ZNF429: variants seen among roughly 807,000 people sequenced by gnomAD.
The protein encoded by ZNF429 is zinc finger protein 429.
A neutral mutation model predicts 56.8 loss-of-function variants in ZNF429; 53 were observed. That is an observed-to-expected ratio of 0.93 (90% CI 0.75 to 1.17). ZNF429 has a LOEUF of 1.17. Among genes scored for constraint, ZNF429 ranks in the 50% most tolerant of loss-of-function variants. The pLI, the probability that ZNF429 is intolerant of heterozygous loss-of-function variation, is 0.00. For synonymous variants in ZNF429, 278 were observed against 264.7 expected, an observed-to-expected ratio of 1.05 and a Z score of -0.49; for missense variants, 849 against 788.4, an observed-to-expected ratio of 1.08 and a Z score of -0.92.
intron 3 of ZNF429, among the ~76,000 whole-genome samples, chr19:21,534,793 T>TG: frequency 1.5e-4 from 1 of 6,726 alleles, no homozygotes; most frequent in Admixed American, 9.5e-4. Flanking sequence ...GTTTTTTGTG[T>TG]TTTTTTTTTT....
In ZNF429 at chr19:21,540,311, T is replaced by G. The variant is rs2033876824; in HGVS notation, c.*2233T>G. Among the ~76,000 whole-genome samples the G allele has an allele frequency of 6.6e-6, 1 of 152,180 alleles. No individual in the cohort carries two copies. The highest frequency in any genetic ancestry group is 1.5e-5 in the Non-Finnish European group (1 of 68,014). ...TAGTGGAATAGCATCTCTAGTAATCTCTTTTGCCAGTAGCTTTAACTGGCA... is the reference window on the plus strand; with the variant it reads ...TAGTGGAATAGCATCTCTAGTAATCGCTTTTGCCAGTAGCTTTAACTGGCA... On this transcript the variant is annotated 3_prime_UTR_variant, in exon 4 of 4. Coordinates refer to ENST00000358491, the MANE Select transcript of ZNF429 (RefSeq NM_001001415.4).
intron 3 of ZNF429, among the ~76,000 whole-genome samples, chr19:21,535,480 CTTTCTTTCTTTCTTTCTTCT>C: frequency 4.3e-4 from 24 of 55,976 alleles, no homozygotes; most frequent in South Asian, 1.0e-3. Context: ...TTCTTTCTTT[CTTTCTTTCTTTCTTTCTTCT>C]TTCTTTCTTT....
chr19:21,531,826 A>AG, intron 3 of ZNF429, among the ~76,000 whole-genome samples: 2 of 149,402 alleles, frequency 1.3e-5, no homozygotes, highest in African/African-American at 5.0e-5. Context: ...AAAAAAAAAA[A>AG]GCATTGAAAT....
intron 1 of ZNF429, among the ~76,000 whole-genome samples, chr19:21,508,394 C>G (rs1333978573): frequency 6.6e-6 from 1 of 152,160 alleles, no homozygotes; most frequent in East Asian, 1.9e-4. Context: ...ACTTAAGTGA[C>G]TTAAGTGAGC....
intron 1 of ZNF429, among the ~76,000 whole-genome samples, chr19:21,508,461 C>T (rs2032293501): frequency 6.6e-6 from 1 of 152,090 alleles, no homozygotes; most frequent in Non-Finnish European, 1.5e-5. Context: ...TCGGACACAT[C>T]TGTTTTCTTA....
chr19:21,512,430 C>T lies in ZNF429; in HGVS notation c.3+6656C>T, dbSNP rs377215506. ...ATTTCAGCACTTTGGAAGGCTGAGG[C>T]GGGTGGATCACCTGAGGTCAGGAGT... On this transcript the variant is annotated intron_variant, in intron 1 of 3. Transcript: ENST00000358491. Among the ~76,000 whole-genome samples, 40 of 151,986 alleles carry T rather than the reference C, an allele frequency of 2.6e-4. 1 individual carries two copies. The South Asian group carries it at 4.4e-3, about 17-fold the overall frequency.
chr19:21,511,072 A>G (rs978480610), intron 1 of ZNF429, among the ~76,000 whole-genome samples: 1 of 152,074 alleles, frequency 6.6e-6, no homozygotes, highest in Non-Finnish European at 1.5e-5. Flanking sequence ...TGTCATCATG[A>G]CCCGTTCTCA....
Position 21,536,294 on chromosome 19 carries a change from T to G in ZNF429, c.241T>G (p.Phe81Val), listed in dbSNP as rs774131756. 4 of 1,574,880 alleles carry G rather than the reference T, an allele frequency of 2.5e-6. No individual in the cohort carries two copies. The East Asian group carries it at 9.0e-5, about 35-fold the overall frequency. Residue 81 changes from phenylalanine (F) to valine (V), a missense_variant, in exon 4 of 4, where the codon TTT becomes GTT. Physicochemically the swap from Phe to Val is conservative, Grantham distance 50. Transcript: ENST00000358491. ...VDEPPVVCSH[F>V]AEDFWPEQDI... ...TTTTATTTTAGTTGTGTGTTCTCAT[T>G]TTGCTGAAGACTTTTGGCCAGAGCA... is the stretch of plus-strand genomic sequence containing the variant.
intron 3 of ZNF429, among the ~76,000 whole-genome samples, chr19:21,535,481 TTTC>T: frequency 3.6e-5 from 4 of 111,022 alleles, no homozygotes; most frequent in Admixed American, 2.0e-4. Flanking sequence ...TCTTTCTTTC[TTTC>T]TTTCTTTCTT....
intron 1 of ZNF429, among the ~76,000 whole-genome samples, chr19:21,525,186 G>C (rs905843044): frequency 6.6e-6 from 1 of 152,110 alleles, no homozygotes; most frequent in Non-Finnish European, 1.5e-5. Context: ...TTTATGGACA[G>C]AAGAATTTTT....
chr19:21,523,311 C>T (rs1354237574), intron 1 of ZNF429, among the ~76,000 whole-genome samples: 1 of 152,160 alleles, frequency 6.6e-6, no homozygotes, highest in African/African-American at 2.4e-5. Context: ...AATGCAAATC[C>T]TCTTTTTAGG....
At chr19:21,523,438 A>G (rs1599462281) in intron 1 of ZNF429, among the ~76,000 whole-genome samples, 1 of 152,306 alleles carries the variant, frequency 6.6e-6, no homozygotes, top group South Asian at 2.1e-4. Flanking sequence ...GAACACAATT[A>G]TGTCTTTCTC....
rs1218365500 is a variant in ZNF429 at position 21,540,552 on chromosome 19, A to G, written c.*2474A>G. Among the ~76,000 whole-genome samples the G allele has an allele frequency of 2.0e-5, 3 of 152,124 alleles. No homozygotes were observed. Among genetic ancestry groups the G allele is most frequent in the African/African-American group, 4.8e-5 (2 of 41,454 alleles). ...ACATTTATCTTTTACAAACAACTCA[A>G]TTATGCACTTTTAGTTATTTTAAAG... is the stretch of plus-strand genomic sequence containing the variant. On this transcript the variant is annotated 3_prime_UTR_variant, in exon 4 of 4. Coordinates refer to ENST00000358491, the MANE Select transcript of ZNF429 (RefSeq NM_001001415.4).
chr19:21,527,988 G>A (rs1156603491), intron 1 of ZNF429, among the ~76,000 whole-genome samples: 1 of 152,034 alleles, frequency 6.6e-6, no homozygotes, highest in Non-Finnish European at 1.5e-5. Flanking sequence ...TCCCTAATGA[G>A]TTTAACTACT....
Position 21,539,587 on chromosome 19 carries a change from A to ATTT in ZNF429, c.*1522_*1524dup, listed in dbSNP as rs59611982. On this transcript the variant is annotated 3_prime_UTR_variant, in exon 4 of 4. Transcript: ENST00000358491. ...CAGGCATACACCAGCATGTCTGGCT[A>ATTT]TTTTTTTTTTTTTTTGTATTTTTAG... Among the ~76,000 whole-genome samples the ATTT allele has an allele frequency of 0.013, 1,745 of 136,672 alleles. 38 individuals carry two copies. Among genetic ancestry groups the ATTT allele is most frequent in the African/African-American group, 0.039 (1,447 of 37,090 alleles). 89.7% of individuals were successfully genotyped at this position (136,672 alleles called of 152,430 possible).
chr19:21,524,684 T>C (rs970107064), intron 1 of ZNF429, among the ~76,000 whole-genome samples: 2 of 152,174 alleles, frequency 1.3e-5, no homozygotes, highest in African/African-American at 4.8e-5. Flanking sequence ...GCCTTTCTTA[T>C]TATTGGGCCA....
chr19:21,535,425 TTTCTTTCTTTCTTTCTTTC>T lies in ZNF429; in HGVS notation c.227-852_227-834del. 1.5e-3 allele frequency among the ~76,000 whole-genome samples: 9 copies of T among 6,180 alleles called. 1 individual carries two copies. Among genetic ancestry groups the T allele is most frequent in the Admixed American group, 5.1e-3 (3 of 586 alleles). The allele number at this position is 6,180 out of a possible 152,430, so 4.1% of individuals were successfully genotyped here. ...TCTTTCTTTTTCTTTTCTTTCTTTC[TTTCTTTCTTTCTTTCTTTC>T]TTTCTTTCTTTCTTTCTTTCTTTCT... On this transcript the variant is annotated intron_variant, in intron 3 of 3. Coordinates refer to ENST00000358491, the MANE Select transcript of ZNF429 (RefSeq NM_001001415.4).
intron 1 of ZNF429, among the ~76,000 whole-genome samples, chr19:21,512,102 G>A (rs2032511655): frequency 6.6e-6 from 1 of 152,158 alleles, no homozygotes; most frequent in Non-Finnish European, 1.5e-5. Flanking sequence ...GAGAGGGAGA[G>A]GGAGAGCGGT....
chr19:21,536,949 C>T lies in ZNF429; in HGVS notation c.896C>T (p.Thr299Ile). Residue 299 changes from threonine to isoleucine, a missense_variant, in exon 4 of 4, where the codon ACC becomes ATC. Thr to Ile is a moderately conservative substitution (Grantham distance 89). Coordinates refer to ENST00000358491, the MANE Select transcript of ZNF429 (RefSeq NM_001001415.4). Reference sequence around the variant, plus strand: ...GGCAAAACCTTTAGCATATCCTCAACCTTTACTAAACATAAGATAATTCAT... The same window carrying T: ...GGCAAAACCTTTAGCATATCCTCAATCTTTACTAAACATAAGATAATTCAT... The part of the protein sequence containing the change: ...ECGKTFSISS[T>I]FTKHKIIHTE... 6.2e-7 allele frequency: 1 copy of T among 1,612,004 alleles called. No individual in the cohort carries two copies. Among genetic ancestry groups the T allele is most frequent in the South Asian group, 1.1e-5 (1 of 90,696 alleles).
Sources: allele counts gnomAD v4.1 joint callset (sites outside exome capture counted in the v4.1 genomes callset), GRCh38; gene constraint gnomAD v4.1.1; transcripts MANE v1.5; gene names NCBI Gene and HGNC (gene_info 2026-07-23, HGNC 2026-07-21).